STON1: variants seen among roughly 807,000 people sequenced by gnomAD.
STON1 encodes the protein stonin-1.
Under a neutral mutation model 60.9 loss-of-function variants are expected in STON1, and 79 were observed. The observed-to-expected ratio is 1.30, with a 90% CI of 1.08 to 1.56. The LOEUF is 1.56. Among genes scored for constraint, STON1 ranks in the 40% most tolerant of loss-of-function variants. The probability of loss-of-function intolerance (pLI) is 0.00; values close to 1 mark genes in which losing one functional copy is unlikely to be tolerated. For missense variants in STON1, 1,166 were observed against 858.9 expected, an observed-to-expected ratio of 1.36 and a Z score of -4.47; for synonymous variants, 363 against 306.9, an observed-to-expected ratio of 1.18 and a Z score of -1.91.
At chr2:48,567,416 T>C (rs535755618) in intron 1 of STON1, among the ~76,000 whole-genome samples, 217 of 152,194 alleles carry the variant, frequency 1.4e-3, no homozygotes, top group Non-Finnish European at 2.3e-3. Context: ...TATTTTTATA[T>C]ATTTATTTTT....
intron 1 of STON1, among the ~76,000 whole-genome samples, chr2:48,536,409 G>A (rs983399265): frequency 6.6e-6 from 1 of 151,910 alleles, no homozygotes; most frequent in Non-Finnish European, 1.5e-5. Flanking sequence ...TTAGCCGAGT[G>A]TGGTGGTGGG....
intron 1 of STON1, among the ~76,000 whole-genome samples, chr2:48,532,328 G>A (rs950131484): frequency 2.7e-5 from 4 of 148,720 alleles, no homozygotes; most frequent in African/African-American, 7.5e-5. Flanking sequence ...CATCCTGGGC[G>A]ACACAGCAAG....
chr2:48,540,138 A>G (rs1671597953), intron 1 of STON1, among the ~76,000 whole-genome samples: 1 of 151,940 alleles, frequency 6.6e-6, no homozygotes, highest in African/African-American at 2.4e-5. Flanking sequence ...TGGTACCTGG[A>G]GATTTCTACT....
At chr2:48,568,210 G>A (rs1409679643) in intron 1 of STON1, among the ~76,000 whole-genome samples, 2 of 152,052 alleles carry the variant, frequency 1.3e-5, no homozygotes, top group South Asian at 2.1e-4. Flanking sequence ...TACCTCCTTG[G>A]CATCAGTCCT....
At chr2:48,577,761 G>A (rs568511339) in intron 1 of STON1, among the ~76,000 whole-genome samples, 190 of 150,368 alleles carry the variant, frequency 1.3e-3, no homozygotes, top group African/African-American at 4.5e-3. Flanking sequence ...GATTACAGGC[G>A]TCCACCACCA....
At chr2:48,587,439 C>T (rs909262502) in intron 2 of STON1, among the ~76,000 whole-genome samples, 4 of 152,148 alleles carry the variant, frequency 2.6e-5, no homozygotes, top group African/African-American at 7.2e-5. Context: ...ACTACAGGTG[C>T]GCACCACCAC....
At chr2:48,583,616 G>GT (rs35565944) in intron 2 of STON1, among the ~76,000 whole-genome samples, 51,092 of 142,750 alleles carry the variant, frequency 0.36, 9,031 homozygotes, top group East Asian at 0.4. Context: ...AGGGTTGTTG[G>GT]TTTTTTTTTT....
Position 48,580,854 on chromosome 2 carries a change from G to T in STON1, c.221G>T (p.Gly74Val). ...SPIVDFYFSPGPPSNSPLSTP... is the reference protein window; with the variant it reads ...SPIVDFYFSPVPPSNSPLSTP... ...ATTGTAGATTTTTATTTCAGTCCAG[G>T]ACCTCCAAGTAACTCTCCTCTTTCT... is the stretch of plus-strand genomic sequence containing the variant. Residue 74 changes from glycine to valine, a missense_variant, in exon 2 of 4, where the codon GGA (glycine) becomes GTA (valine). Physicochemically the swap from Gly to Val is moderately radical, Grantham distance 109. Transcript: ENST00000404752. 1 of 1,560,386 alleles carries T rather than the reference G, an allele frequency of 6.4e-7. No homozygotes were observed. The highest frequency in any genetic ancestry group is 8.6e-7 in the Non-Finnish European group (1 of 1,158,444).
intron 1 of STON1, among the ~76,000 whole-genome samples, chr2:48,532,146 G>A (rs950071819): frequency 2.6e-5 from 4 of 151,896 alleles, no homozygotes; most frequent in African/African-American, 9.7e-5. Context: ...TCAGGAGTTC[G>A]AGACCAGCCT....
At chr2:48,578,581 C>CTT (rs59933765) in intron 1 of STON1, among the ~76,000 whole-genome samples, 2 of 46,156 alleles carry the variant, frequency 4.3e-5, no homozygotes, top group East Asian at 9.5e-4. Context: ...CTCCTCCTTC[C>CTT]TTTTTTTTTT....
intron 2 of STON1, among the ~76,000 whole-genome samples, chr2:48,591,266 A>G (rs551307974): frequency 3.3e-4 from 49 of 149,730 alleles, no homozygotes; most frequent in South Asian, 2.7e-3. Flanking sequence ...TATAGTAATT[A>G]TATTGTTATA....
At chr2:48,546,563 A>C (rs935239951) in intron 1 of STON1, among the ~76,000 whole-genome samples, 2 of 152,240 alleles carry the variant, frequency 1.3e-5, no homozygotes, top group African/African-American at 4.8e-5. Context: ...TTTGTGTCCC[A>C]CAGAACACTG....
intron 1 of STON1, among the ~76,000 whole-genome samples, chr2:48,578,337 C>T (rs1418750118): frequency 1.3e-5 from 2 of 152,228 alleles, no homozygotes; most frequent in African/African-American, 4.8e-5. Flanking sequence ...GTCCAACGTG[C>T]AGCCCACAGG....
chr2:48,554,707 A>ATTTTTTTTTTTTTTTTTTTT (rs11475306), intron 1 of STON1, among the ~76,000 whole-genome samples: 1 of 88,804 alleles, frequency 1.1e-5, no homozygotes, highest in African/African-American at 4.6e-5. Context: ...TAAGTGCAAA[A>ATTTTTTTTTTTTTTTTTTTT]TTTTTTTTTT....
At chr2:48,569,554 C>T (rs994768503) in intron 1 of STON1, among the ~76,000 whole-genome samples, 1 of 152,236 alleles carries the variant, frequency 6.6e-6, no homozygotes, top group Non-Finnish European at 1.5e-5. Flanking sequence ...GTGTCACAGG[C>T]ATTTGTAGAC....
At chr2:48,564,589 TCCTCCTCC>T (rs1558606007) in intron 1 of STON1, among the ~76,000 whole-genome samples, 5 of 64,812 alleles carry the variant, frequency 7.7e-5, no homozygotes, top group Non-Finnish European at 1.5e-4. Context: ...CTCCTCCTCC[TCCTCCTCC>T]TCCTCCTTCT....
In STON1 at chr2:48,593,794, T is replaced by C. The variant is rs189662797; in HGVS notation, c.2134-1434T>C. ...TGTGAGTCAGGATTTTTCTTTATTTTGGACTATCTGTTTAGAAGTCTATGT... is the reference window on the plus strand; with the variant it reads ...TGTGAGTCAGGATTTTTCTTTATTTCGGACTATCTGTTTAGAAGTCTATGT... On this transcript the variant is annotated intron_variant, in intron 3 of 3. Transcript: ENST00000404752. Among the ~76,000 whole-genome samples, 711 of 152,342 alleles carry C rather than the reference T, an allele frequency of 4.7e-3. 10 individuals carry two copies. The highest frequency in any genetic ancestry group is 0.02 in the Middle Eastern group (6 of 294).
intron 1 of STON1, among the ~76,000 whole-genome samples, chr2:48,540,841 C>G (rs1275360621): frequency 6.6e-6 from 1 of 152,110 alleles, no homozygotes; most frequent in Non-Finnish European, 1.5e-5. Flanking sequence ...TTAGAGGACA[C>G]CCAGCTGGTG....
chr2:48,574,164 T>C (rs1434332973), intron 1 of STON1, among the ~76,000 whole-genome samples: 32 of 152,118 alleles, frequency 2.1e-4, no homozygotes, highest in Non-Finnish European at 2.9e-5. Context: ...TCACTTGAGA[T>C]CAGGAGTTTG....
Sources: allele counts gnomAD v4.1 joint callset (sites outside exome capture counted in the v4.1 genomes callset), GRCh38; gene constraint gnomAD v4.1.1; transcripts MANE v1.5; gene names NCBI Gene and HGNC (gene_info 2026-07-23, HGNC 2026-07-21).